WWTR1: variants seen among roughly 807,000 people sequenced by gnomAD.
WWTR1 encodes the protein WW domain containing transcription regulator 1.
A neutral mutation model predicts 40.1 loss-of-function variants in WWTR1; 13 were observed. That is an observed-to-expected ratio of 0.32 (90% CI 0.21 to 0.52). WWTR1 has a LOEUF of 0.52. WWTR1 is among the 20% of genes least tolerant of loss of function. WWTR1 has a pLI of 0.97. For synonymous variants in WWTR1, 230 were observed against 210.1 expected, an observed-to-expected ratio of 1.09 and a Z score of -0.82; for missense variants, 436 against 523.1, an observed-to-expected ratio of 0.83 and a Z score of 1.63.
intron 2 of WWTR1, among the ~76,000 whole-genome samples, chr3:149,642,730 G>T (rs976958801): frequency 6.6e-6 from 1 of 151,408 alleles, no homozygotes; most frequent in African/African-American, 2.4e-5. Context: ...AGCCGAGATC[G>T]GGCCACTGCA....
chr3:149,611,977 A>C (rs1396245294), intron 2 of WWTR1, among the ~76,000 whole-genome samples: 2 of 152,178 alleles, frequency 1.3e-5, no homozygotes, highest in African/African-American at 2.4e-5. Context: ...AGACATTACT[A>C]TTCCTACTTG....
At chr3:149,560,674 C>T (rs1156450643) in intron 3 of WWTR1, among the ~76,000 whole-genome samples, 1 of 152,038 alleles carries the variant, frequency 6.6e-6, no homozygotes, top group Non-Finnish European at 1.5e-5. Flanking sequence ...CTTTCCAGCG[C>T]TGCAAATATT....
rs368661632 is a variant in WWTR1 at position 149,698,863 on chromosome 3, G to A, written c.-108+4261C>T. ...GAACAGCCAGGATGTGGGGAGCAGT[G>A]TTCCTGAGGTTCCACAGAGCAGTGA... On this transcript the variant is annotated intron_variant, in intron 1 of 7. Transcript: ENST00000465804. Among the ~76,000 whole-genome samples, 18 of 152,336 alleles carry A rather than the reference G, an allele frequency of 1.2e-4. No homozygotes were observed. The East Asian group carries it at 3.5e-3, about 29-fold the overall frequency.
chr3:149,636,834 G>A (rs1306524844), intron 2 of WWTR1, among the ~76,000 whole-genome samples: 1 of 151,958 alleles, frequency 6.6e-6, no homozygotes, highest in Non-Finnish European at 1.5e-5. Flanking sequence ...GGGTGTGGTG[G>A]CAGGTGCCTG....
intron 2 of WWTR1, among the ~76,000 whole-genome samples, chr3:149,613,066 C>A (rs964239921): frequency 8.1e-4 from 123 of 152,296 alleles, no homozygotes; most frequent in African/African-American, 2.8e-3. Flanking sequence ...GGTAGGCTGG[C>A]AGCAGAGCAG....
intron 2 of WWTR1, among the ~76,000 whole-genome samples, chr3:149,626,027 C>T (rs1740529037): frequency 6.6e-6 from 1 of 152,106 alleles, no homozygotes; most frequent in Non-Finnish European, 1.5e-5. Context: ...CCATTCTTAG[C>T]AATGAGTGTG....
chr3:149,525,903 A>T, intron 6 of WWTR1, 110 bp downstream of exon 6: 1 of 654,524 alleles, frequency 1.5e-6, no homozygotes, highest in South Asian at 4.4e-5. Context: ...AATATAAAAT[A>T]AAAGTTGAAA....
chr3:149,526,870 A>G (rs371694154), intron 5 of WWTR1, among the ~76,000 whole-genome samples: 1 of 152,260 alleles, frequency 6.6e-6, no homozygotes, highest in South Asian at 2.1e-4. Flanking sequence ...TATTTGATTT[A>G]AAAACTACTT....
At chr3:149,548,356 G>C (rs1736465333) in intron 3 of WWTR1, among the ~76,000 whole-genome samples, 1 of 152,230 alleles carries the variant, frequency 6.6e-6, no homozygotes, top group Admixed American at 6.5e-5. Flanking sequence ...AGGGAGGCCA[G>C]TGAATCAGAG....
At chr3:149,606,950 G>C (rs962114226) in intron 2 of WWTR1, among the ~76,000 whole-genome samples, 1 of 152,232 alleles carries the variant, frequency 6.6e-6, no homozygotes, top group Non-Finnish European at 1.5e-5. Context: ...GCAGAGCAAA[G>C]CCGGGGTGGC....
intron 1 of WWTR1, among the ~76,000 whole-genome samples, chr3:149,693,404 C>T (rs35957818): frequency 0.15 from 23,398 of 152,018 alleles, 2,104 homozygotes; most frequent in Admixed American, 0.27. Context: ...GCCTACACTA[C>T]GCAAAGCAAT....
chr3:149,714,867 C>T (rs1016684034), intron 5 of WWTR1, among the ~76,000 whole-genome samples: 1 of 152,124 alleles, frequency 6.6e-6, no homozygotes, highest in African/African-American at 2.4e-5. Flanking sequence ...CATTAAAAAC[C>T]CCCAGAGTCA....
At chr3:149,535,456 C>T (rs576914800) in intron 4 of WWTR1, among the ~76,000 whole-genome samples, 56 of 152,118 alleles carry the variant, frequency 3.7e-4, no homozygotes, top group Non-Finnish European at 7.1e-4. Context: ...TCACACTTCC[C>T]GGAGACTGCC....
chr3:149,698,300 G>T (rs1715058489), intron 1 of WWTR1, among the ~76,000 whole-genome samples: 1 of 152,178 alleles, frequency 6.6e-6, no homozygotes, highest in Non-Finnish European at 1.5e-5. Flanking sequence ...GTTCTCACGA[G>T]ATCTGATAGT....
chr3:149,535,605 A>T (rs769224883), intron 4 of WWTR1, among the ~76,000 whole-genome samples: 2 of 152,126 alleles, frequency 1.3e-5, no homozygotes, highest in Non-Finnish European at 1.5e-5. Context: ...CTTTTTACTC[A>T]GAGTGCATAA....
intron 2 of WWTR1, among the ~76,000 whole-genome samples, chr3:149,638,441 T>C (rs576676231): frequency 1.3e-5 from 2 of 152,298 alleles, no homozygotes; most frequent in Admixed American, 1.3e-4. Context: ...CCCTGACATT[T>C]GTGTTTTTAA....
At chr3:149,579,127 T>C (rs1475873469) in intron 2 of WWTR1, among the ~76,000 whole-genome samples, 1 of 152,234 alleles carries the variant, frequency 6.6e-6, no homozygotes, top group Non-Finnish European at 1.5e-5. Flanking sequence ...GCATGTTGCT[T>C]ATTTCTATGG....
chr3:149,721,127 T>C (rs752879148), intron 4 of WWTR1, among the ~76,000 whole-genome samples: 1 of 152,226 alleles, frequency 6.6e-6, no homozygotes, highest in Non-Finnish European at 1.5e-5. Flanking sequence ...CTCATTGCTA[T>C]GTCTAGCATT....
chr3:149,530,447 A>G (rs1022415106), intron 4 of WWTR1, among the ~76,000 whole-genome samples: 9 of 152,068 alleles, frequency 5.9e-5, no homozygotes, highest in Admixed American at 2.0e-4. Context: ...GGATAAAAAA[A>G]TACACTATAT....
Sources: allele counts gnomAD v4.1 joint callset (sites outside exome capture counted in the v4.1 genomes callset), GRCh38; gene constraint gnomAD v4.1.1; transcripts MANE v1.5; gene names NCBI Gene and HGNC (gene_info 2026-07-23, HGNC 2026-07-21).